Variants in HOOK3 observed in about 807,000 individuals in gnomAD.
HOOK3 encodes the protein hook microtubule tethering protein 3.
In HOOK3, 24 loss-of-function variants were observed where a neutral mutation model predicts 116.3. That is an observed-to-expected ratio of 0.21 (90% CI 0.15 to 0.29). HOOK3 has a LOEUF of 0.29. Ranked by LOEUF, HOOK3 falls within the 10% of genes least tolerant of loss-of-function variation. The pLI, the probability that HOOK3 is intolerant of heterozygous loss-of-function variation, is 1.00. For missense variants in HOOK3, 632 were observed against 830.2 expected, an observed-to-expected ratio of 0.76 and a Z score of 2.93; for synonymous variants, 275 against 283.0, an observed-to-expected ratio of 0.97 and a Z score of 0.28.
chr8:42,943,451 T>C lies in HOOK3; in HGVS notation c.400+6T>C, dbSNP rs200535002. On this transcript the variant is annotated splice_donor_region_variant and intron_variant, in intron 5 of 21. Coordinates refer to ENST00000307602, the MANE Select transcript of HOOK3 (RefSeq NM_032410.4). Reference sequence around the variant, plus strand: ...GAACTGTGAACAGAAGCAAGGTAATTTGTTTCAAGTTAGTGTTTGCATTTA... The same window carrying C: ...GAACTGTGAACAGAAGCAAGGTAATCTGTTTCAAGTTAGTGTTTGCATTTA... 835 of 1,424,246 alleles carry C rather than the reference T, an allele frequency of 5.9e-4. 17 individuals carry two copies. The highest frequency in any genetic ancestry group is 1.1e-4 in the Non-Finnish European group (115 of 1,078,078). 88.2% of individuals were successfully genotyped at this position (1,424,246 alleles called of 1,614,324 possible). A position where few individuals can be genotyped will look rare whatever the true frequency, so the allele number is the denominator to read the frequency against.
chr8:42,965,025 A>G (rs1808608258), intron 9 of HOOK3, among the ~76,000 whole-genome samples: 1 of 152,226 alleles, frequency 6.6e-6, no homozygotes. Flanking sequence ...AGTGAGAGGG[A>G]GTACCCCACA....
chr8:42,990,834 C>T (rs1164676169), intron 15 of HOOK3, among the ~76,000 whole-genome samples: 1 of 152,020 alleles, frequency 6.6e-6, no homozygotes. Flanking sequence ...TGATGTGATC[C>T]CATTTGCTCC....
intron 15 of HOOK3, among the ~76,000 whole-genome samples, chr8:42,994,022 A>G (rs550096664): frequency 1.3e-5 from 2 of 151,094 alleles, no homozygotes; most frequent in Non-Finnish European, 3.0e-5. Flanking sequence ...TTTTTTATCT[A>G]TTTGTTTATT....
At chr8:42,955,210 C>G (rs961724637) in intron 6 of HOOK3, among the ~76,000 whole-genome samples, 2 of 152,110 alleles carry the variant, frequency 1.3e-5, no homozygotes, top group African/African-American at 4.8e-5. Flanking sequence ...TTTTTACAAC[C>G]AAACACAGAT....
intron 7 of HOOK3, among the ~76,000 whole-genome samples, chr8:42,958,124 G>A (rs771262639): frequency 1.4e-4 from 21 of 152,264 alleles, no homozygotes; most frequent in Middle Eastern, 3.4e-3. Context: ...GAGCCACCGC[G>A]CCCCGCCTAA....
Position 42,968,122 on chromosome 8 carries a change from A to G in HOOK3, c.1030A>G (p.Asn344Asp). The G allele has an allele frequency of 1.9e-6, 3 of 1,613,230 alleles. No individual in the cohort carries two copies. The highest frequency in any genetic ancestry group is 1.7e-6 in the Non-Finnish European group (2 of 1,179,184). Residue 344 changes from asparagine (N) to aspartate (D), a missense_variant, in exon 11 of 22, where the codon AAT (asparagine) becomes GAT (aspartate). This residue lies in a region of HOOK3 where 483 missense variants were observed against 648.1 expected (regional missense o/e 0.75). Coordinates refer to ENST00000307602, the MANE Select transcript of HOOK3 (RefSeq NM_032410.4). ...RRQVKLLEEK[N>D]TMYMQNTVSL... ...GCAGGTTAAACTCTTAGAAGAGAAGAATACCATGTATATGCAGAATACTGT... is the reference window on the plus strand; with the variant it reads ...GCAGGTTAAACTCTTAGAAGAGAAGGATACCATGTATATGCAGAATACTGT...
intron 15 of HOOK3, among the ~76,000 whole-genome samples, chr8:42,994,793 C>T (rs756497629): frequency 7.9e-5 from 12 of 152,094 alleles, no homozygotes; most frequent in Non-Finnish European, 1.3e-4. Context: ...TCACCTATTC[C>T]CCATTGAGAG....
rs1336401261 is a variant in HOOK3, at chr8:42,974,152, C to T, written c.1279C>T (p.Leu427Phe). The change falls in exon 13 of 22, where the codon CTT (leucine) becomes TTT (phenylalanine). Residue 427 changes from leucine to phenylalanine, a missense_variant. Physicochemically the swap from Leu to Phe is conservative, Grantham distance 22. Transcript: ENST00000307602. ...TTCTCTGAAGGAAACCATTGAAGAGCTTCGTTGTGTACAAGCTCAAGAAGG... is the reference window on the plus strand; with the variant it reads ...TTCTCTGAAGGAAACCATTGAAGAGTTTCGTTGTGTACAAGCTCAAGAAGG... ...RDSLKETIEE[L>F]RCVQAQEGQL... is the part of the protein sequence containing the mutation. The T allele has an allele frequency of 6.2e-7, 1 of 1,613,944 alleles. No homozygotes were observed. Among genetic ancestry groups the T allele is most frequent in the Non-Finnish European group, 8.5e-7 (1 of 1,179,930 alleles).
intron 14 of HOOK3, among the ~76,000 whole-genome samples, chr8:42,984,394 A>C (rs550116068): frequency 6.6e-6 from 1 of 152,110 alleles, no homozygotes; most frequent in South Asian, 2.1e-4. Flanking sequence ...AAGAAGTACA[A>C]ACAAAAGGCG....
chr8:42,973,162 A>G (rs1437658607), intron 11 of HOOK3, 127 bp from the exon 12 acceptor site: 1 of 1,009,588 alleles, frequency 9.9e-7, no homozygotes, highest in Non-Finnish European at 1.4e-6. Context: ...ACTGTGTTAG[A>G]CTGCTGGATC....
intron 2 of HOOK3, among the ~76,000 whole-genome samples, chr8:42,921,034 G>T (rs1277789706): frequency 6.6e-6 from 1 of 152,150 alleles, no homozygotes; most frequent in African/African-American, 2.4e-5. Context: ...CATGATGCCT[G>T]ATGTGAAACA....
intron 2 of HOOK3, among the ~76,000 whole-genome samples, chr8:42,915,487 AAT>A (rs2130340154): frequency 6.6e-6 from 1 of 152,262 alleles, no homozygotes; most frequent in South Asian, 2.1e-4. Flanking sequence ...GTCGGAGAGC[AAT>A]GGTGCGATTT....
chr8:43,024,387 C>G lies in HOOK3; in HGVS notation c.*5889C>G. 5.3e-6 allele frequency: 1 copy of G among 188,320 alleles called. No homozygotes were observed. Among genetic ancestry groups the G allele is most frequent in the Non-Finnish European group, 1.1e-5 (1 of 89,386 alleles). 11.7% of individuals were successfully genotyped at this position (188,320 alleles called of 1,614,324 possible). A position where few individuals can be genotyped will look rare whatever the true frequency, so the allele number is the denominator to read the frequency against. On this transcript the variant is annotated 3_prime_UTR_variant, in exon 22 of 22. Coordinates refer to ENST00000307602, the MANE Select transcript of HOOK3 (RefSeq NM_032410.4). ...GCAAAATCAAATGGGATGTCAGAAT[C>G]TTTGAAAATTATTTTATCATTTTTT...
At chr8:42,925,668 G>A in intron 3 of HOOK3, 39 bp downstream of exon 3, 1 of 1,343,448 alleles carries the variant, frequency 7.4e-7, no homozygotes, top group Non-Finnish European at 1.1e-6. Flanking sequence ...TTAAATATTT[G>A]TATGTGTATA....
intron 6 of HOOK3, among the ~76,000 whole-genome samples, chr8:42,956,862 G>T (rs1016273753): frequency 6.6e-6 from 1 of 152,156 alleles, no homozygotes; most frequent in Non-Finnish European, 1.5e-5. Flanking sequence ...GATTACAGGC[G>T]TGAGCCACCG....
In HOOK3 at chr8:42,996,894, CTTTTTTTTTTTTT is replaced by C. The variant is rs60094537; in HGVS notation, c.1533-640_1533-628del. 2.0e-3 allele frequency among the ~76,000 whole-genome samples: 153 copies of C among 77,896 alleles called. 2 individuals carry two copies. Among genetic ancestry groups the C allele is most frequent in the Admixed American group, 5.4e-3 (39 of 7,172 alleles). The allele number at this position is 77,896 out of a possible 152,430, so 51.1% of individuals were successfully genotyped here. On this transcript the variant is annotated intron_variant, in intron 15 of 21. Transcript: ENST00000307602. ...ACTTTAATTCCGTGAGGGCAGGGAT[CTTTTTTTTTTTTT>C]TTTTTTTTTTTTTTTGGGAGGCAGG...
chr8:42,948,927 A>G (rs188902704), intron 5 of HOOK3, among the ~76,000 whole-genome samples: 14 of 152,386 alleles, frequency 9.2e-5, no homozygotes, highest in African/African-American at 3.4e-4. Context: ...ATTGGGTACA[A>G]GTAGCCTTAG....
intron 8 of HOOK3, among the ~76,000 whole-genome samples, chr8:42,961,878 C>T (rs1485012411): frequency 1.3e-5 from 2 of 152,134 alleles, no homozygotes; most frequent in Admixed American, 1.3e-4. Context: ...CCTCCGCCTC[C>T]TGGGCTAAAG....
intron 14 of HOOK3, among the ~76,000 whole-genome samples, chr8:42,984,776 C>T (rs750822010): frequency 9.9e-5 from 15 of 151,952 alleles, no homozygotes; most frequent in Non-Finnish European, 1.9e-4. Context: ...TGCTAGCACA[C>T]GCCTGTAATC....
Sources: gnomAD v4.1 joint callset for allele counts (sites outside exome capture counted in the v4.1 genomes callset) on GRCh38, gnomAD v4.1.1 for gene constraint, gnomAD v4.1.1 regional missense constraint, MANE v1.5 for transcripts, NCBI Gene and HGNC (gene_info 2026-07-23, HGNC 2026-07-21) for gene names.